ZNF99: variants seen among roughly 807,000 people sequenced by gnomAD.
The protein encoded by ZNF99 is zinc finger protein ENSP00000375192.
A neutral mutation model predicts 12.8 loss-of-function variants in ZNF99; 8 were observed. The ratio of observed to expected loss-of-function variants is 0.62; its 90% CI spans 0.37 to 1.13. The LOEUF (loss-of-function observed/expected upper bound fraction) is 1.13. Among genes scored for constraint, ZNF99 ranks in the 50% most tolerant of loss-of-function variants. The probability of loss-of-function intolerance (pLI) is 0.02; values close to 1 mark genes in which losing one functional copy is unlikely to be tolerated. For missense variants in ZNF99, 1,007 were observed against 1,006.2 expected, an observed-to-expected ratio of 1.00 and a Z score of -0.01; for synonymous variants, 318 against 319.0, an observed-to-expected ratio of 1.00 and a Z score of 0.03.
intron 3 of ZNF99, among the ~76,000 whole-genome samples, chr19:22,763,873 T>C (rs1490542883): frequency 1.4e-5 from 2 of 147,788 alleles, no homozygotes; most frequent in Non-Finnish European, 3.0e-5. Flanking sequence ...AAACATAAAG[T>C]AGGGAAAGGA....
chr19:22,757,966 G>A lies in ZNF99; in HGVS notation c.1943C>T (p.Pro648Leu), dbSNP rs764617324. Residue 648 changes from proline (P) to leucine (L), a missense_variant, in exon 4 of 4, where the codon CCC (proline) becomes CTC (leucine). Transcript: ENST00000596209. ...KHEIIHTGEK[P>L]YKCEECGKAF... The stretch of plus-strand genomic sequence containing the variant: ...TTTACCACATTCTTCACATTTGTAG[G>A]GTTTCTCTCCAGTATGAATTATCTC... 2.5e-6 allele frequency: 4 copies of A among 1,612,906 alleles called. No homozygotes were observed. The highest frequency in any genetic ancestry group is 2.7e-5 in the African/African-American group (2 of 74,644).
At chr19:22,765,199 TA>T (rs905598428) in intron 3 of ZNF99, among the ~76,000 whole-genome samples, 60 of 152,148 alleles carry the variant, frequency 3.9e-4, no homozygotes, top group Admixed American at 1.0e-3. Flanking sequence ...TGGATAAGAT[TA>T]GAGGCTATCC....
chr19:22,760,466 C>T (rs776200689), intron 3 of ZNF99, among the ~76,000 whole-genome samples: 36 of 151,766 alleles, frequency 2.4e-4, no homozygotes, highest in Admixed American at 8.5e-4. Context: ...AGCTTGAGGC[C>T]GGGCACGGTG....
rs1973127704 is a variant in ZNF99, at chr19:22,759,550, A to T, written c.359T>A (p.Val120Asp). ...NLRLRKDCES[V>D]NEGKMHEEAY... is the part of the protein sequence containing the mutation. ...TTCTTCGTGCATCTTACCCTCATTGACACTTTCACAATCTTTTCTTAATCG... is the reference window on the plus strand; with the variant it reads ...TTCTTCGTGCATCTTACCCTCATTGTCACTTTCACAATCTTTTCTTAATCG... The change falls in exon 4 of 4, where the codon GTC (valine) becomes GAC (aspartate). Residue 120 changes from valine (V) to aspartate (D), a missense_variant. By Grantham distance (152) the Val-to-Asp change is radical. Transcript: ENST00000596209. 1 of 1,611,936 alleles carries T rather than the reference A, an allele frequency of 6.2e-7. No individual in the cohort carries two copies. The highest frequency in any genetic ancestry group is 1.3e-5 in the African/African-American group (1 of 74,856).
At position 22,757,155 on chromosome 19, in the gene ZNF99, G is replaced by A. The variant is rs1399203211; in HGVS notation, c.*159C>T. On this transcript the variant is annotated 3_prime_UTR_variant, in exon 4 of 4. Coordinates refer to ENST00000596209, the MANE Select transcript of ZNF99 (RefSeq NM_001080409.3). ...TTCTCCCCAGTATGAACTGCTTTAT[G>A]TCTAGTAAGGTGTGAGGACTGCTTA... 2 of 1,612,486 alleles carry A rather than the reference G, an allele frequency of 1.2e-6. No individual in the cohort carries two copies. The highest frequency in any genetic ancestry group is 1.7e-6 in the Non-Finnish European group (2 of 1,179,160).
chr19:22,779,706 A>G (rs1973366859), intron 1 of ZNF99, among the ~76,000 whole-genome samples: 1 of 152,142 alleles, frequency 6.6e-6, no homozygotes, highest in South Asian at 2.1e-4. Context: ...TGATGACTTC[A>G]GTGTAAAACA....
Position 22,757,255 on chromosome 19 carries a change from G to A in ZNF99, c.*59C>T, listed in dbSNP as rs749009592. 6.3e-7 allele frequency: 1 copy of A among 1,588,178 alleles called. No individual in the cohort carries two copies. Among genetic ancestry groups the A allele is most frequent in the Admixed American group, 1.7e-5 (1 of 58,886 alleles). Reference sequence around the variant, plus strand: ...TTATCTTATGTTTCCTAAGGGTTGAGGAATTGTTAAAAGCTTTGCCACATT... The same window carrying A: ...TTATCTTATGTTTCCTAAGGGTTGAAGAATTGTTAAAAGCTTTGCCACATT... On this transcript the variant is annotated 3_prime_UTR_variant, in exon 4 of 4. Transcript: ENST00000596209.
chr19:22,783,875 C>CT, intron 1 of ZNF99, 139 bp downstream of exon 1: 1 of 1,161,438 alleles, frequency 8.6e-7, no homozygotes, highest in Non-Finnish European at 1.3e-6. Flanking sequence ...CTGAAGGAGA[C>CT]TGAGGCCGAG....
chr19:22,774,926 T>C (rs1973309702), intron 1 of ZNF99, among the ~76,000 whole-genome samples: 1 of 151,930 alleles, frequency 6.6e-6, no homozygotes. Flanking sequence ...CACAAATAAA[T>C]GGAAAACCAT....
At position 22,753,832 on chromosome 19, in the gene ZNF99, G is replaced by A. The variant is rs1047212141; in HGVS notation, c.*3482C>T. On this transcript the variant is annotated 3_prime_UTR_variant, in exon 4 of 4. Coordinates refer to ENST00000596209, the MANE Select transcript of ZNF99 (RefSeq NM_001080409.3). Reference sequence around the variant, plus strand: ...TGCTTTCCTATGCGATAAGGTGTGAGTATTGGTTAAATATTTTGCCACATT... The same window carrying A: ...TGCTTTCCTATGCGATAAGGTGTGAATATTGGTTAAATATTTTGCCACATT... 1 of 294,274 alleles carries A rather than the reference G, an allele frequency of 3.4e-6. No individual in the cohort carries two copies. Among genetic ancestry groups the A allele is most frequent in the Admixed American group, 4.2e-5 (1 of 23,580 alleles). 18.2% of individuals were successfully genotyped at this position (294,274 alleles called of 1,614,324 possible). A position where few individuals can be genotyped will look rare whatever the true frequency, so the allele number is the denominator to read the frequency against.
Position 22,754,843 on chromosome 19 carries a change from G to A in ZNF99, c.*2471C>T, listed in dbSNP as rs1973025636. The A allele has an allele frequency of 5.3e-6, 1 of 187,638 alleles. No individual in the cohort carries two copies. The highest frequency in any genetic ancestry group is 1.1e-5 in the Non-Finnish European group (1 of 90,448). The allele number at this position is 187,638 out of a possible 1,614,324, so 11.6% of individuals were successfully genotyped here. A position where few individuals can be genotyped will look rare whatever the true frequency, so the allele number is the denominator to read the frequency against. On this transcript the variant is annotated 3_prime_UTR_variant, in exon 4 of 4. Coordinates refer to ENST00000596209, the MANE Select transcript of ZNF99 (RefSeq NM_001080409.3). Reference sequence around the variant, plus strand: ...CCAGCACTTTGGGAGGCCGAGGCGGGCAGATCACCAGAGGTCGGGAGTTCG... The same window carrying A: ...CCAGCACTTTGGGAGGCCGAGGCGGACAGATCACCAGAGGTCGGGAGTTCG...
rs1349878967 is a variant in ZNF99, at chr19:22,756,195, C to G, written c.*1119G>C. The G allele has an allele frequency of 1.1e-5, 17 of 1,559,362 alleles. No individual in the cohort carries two copies. The highest frequency in any genetic ancestry group is 1.4e-5 in the Non-Finnish European group (16 of 1,147,808). On this transcript the variant is annotated 3_prime_UTR_variant, in exon 4 of 4. Coordinates refer to ENST00000596209, the MANE Select transcript of ZNF99 (RefSeq NM_001080409.3). ...AAATGGTTGAAAGCTTTGACACATT[C>G]TTCACATTTTTAGGGCTTCTCCCCA...
Position 22,754,670 on chromosome 19 carries a change from T to C in ZNF99, c.*2644A>G. On this transcript the variant is annotated 3_prime_UTR_variant, in exon 4 of 4. Coordinates refer to ENST00000596209, the MANE Select transcript of ZNF99 (RefSeq NM_001080409.3). ...ATTCTTCATATTTGTAGGGCTAGTT[T>C]CCATTATGAATTATCTTATGTTCAG... 1 of 326,522 alleles carries C rather than the reference T, an allele frequency of 3.1e-6. No individual in the cohort carries two copies. Among genetic ancestry groups the C allele is most frequent in the Non-Finnish European group, 6.1e-6 (1 of 165,050 alleles). 20.2% of individuals were successfully genotyped at this position (326,522 alleles called of 1,614,324 possible). A position where few individuals can be genotyped will look rare whatever the true frequency, so the allele number is the denominator to read the frequency against.
chr19:22,758,645 C>G lies in ZNF99; in HGVS notation c.1264G>C (p.Glu422Gln). 1 of 1,608,984 alleles carries G rather than the reference C, an allele frequency of 6.2e-7. No homozygotes were observed. Among genetic ancestry groups the G allele is most frequent in the Non-Finnish European group, 8.5e-7 (1 of 1,178,180 alleles). Residue 422 changes from glutamate (E) to glutamine (Q), a missense_variant, in exon 4 of 4, where the codon GAG becomes CAG. Transcript: ENST00000596209. ...CATTCTTCACATTTGCAGGGTTTCT[C>G]TGCAGTATGAATTACCTTATGTACA... Reference protein sequence around the residue: ...LTVHKVIHTAEKPCKCEECGK... With the variant: ...LTVHKVIHTAQKPCKCEECGK...
chr19:22,777,428 G>A (rs1568388226), intron 1 of ZNF99, among the ~76,000 whole-genome samples: 1 of 152,236 alleles, frequency 6.6e-6, no homozygotes, highest in East Asian at 1.9e-4. Flanking sequence ...TACCTGTGTG[G>A]TGCTGTGCTT....
intron 1 of ZNF99, among the ~76,000 whole-genome samples, chr19:22,780,691 CAAAAAA>C (rs34311189): frequency 8.9e-6 from 1 of 111,830 alleles, no homozygotes; most frequent in Non-Finnish European, 2.0e-5. Context: ...AACTCTGTTT[CAAAAAA>C]AAAAAAAAAA....
intron 3 of ZNF99, among the ~76,000 whole-genome samples, chr19:22,766,123 C>T (rs1409277918): frequency 7.9e-5 from 12 of 151,254 alleles, no homozygotes; most frequent in African/African-American, 2.7e-4. Flanking sequence ...TATTAAAACA[C>T]ATTGATTTAA....
chr19:22,754,189 A>G lies in ZNF99; in HGVS notation c.*3125T>C, dbSNP rs1213389586. 1 of 446,580 alleles carries G rather than the reference A, an allele frequency of 2.2e-6. No individual in the cohort carries two copies. The highest frequency in any genetic ancestry group is 2.4e-5 in the Admixed American group (1 of 41,254). 27.7% of individuals were successfully genotyped at this position (446,580 alleles called of 1,614,324 possible). A position where few individuals can be genotyped will look rare whatever the true frequency, so the allele number is the denominator to read the frequency against. On this transcript the variant is annotated 3_prime_UTR_variant, in exon 4 of 4. Coordinates refer to ENST00000596209, the MANE Select transcript of ZNF99 (RefSeq NM_001080409.3). ...CAAAACCAGCCTGGTCAAAATGGTG[A>G]AACCCCGTCTCTACTAAAAATACAA...
Position 22,759,377 on chromosome 19 carries a change from A to T in ZNF99, c.532T>A (p.Cys178Ser), listed in dbSNP as rs1973124371. ...TKKKTFKCMK[C>S]SKSFFMLSHL... is the part of the protein sequence containing the mutation. Reference sequence around the variant, plus strand: ...GAAAGCATGAAAAATGATTTGCTACATTTCATACATTTGAAAGTTTTCTTT... The same window carrying T: ...GAAAGCATGAAAAATGATTTGCTACTTTTCATACATTTGAAAGTTTTCTTT... The change falls in exon 4 of 4, where the codon TGT (cysteine) becomes AGT (serine). Residue 178 changes from cysteine (C) to serine (S), a missense_variant. By Grantham distance (112) the Cys-to-Ser change is moderately radical (BLOSUM62 -1). Coordinates refer to ENST00000596209, the MANE Select transcript of ZNF99 (RefSeq NM_001080409.3). 1.3e-6 allele frequency: 2 copies of T among 1,555,216 alleles called. No individual in the cohort carries two copies. The highest frequency in any genetic ancestry group is 1.9e-5 in the Admixed American group (1 of 51,306).
Sources: gnomAD v4.1 joint callset for allele counts (sites outside exome capture counted in the v4.1 genomes callset) on GRCh38, gnomAD v4.1.1 for gene constraint, MANE v1.5 for transcripts, NCBI Gene and HGNC (gene_info 2026-07-23, HGNC 2026-07-21) for gene names.